Variants in FERMT2 observed in about 807,000 individuals in gnomAD.
FERMT2 encodes FERM domain containing kindlin 2.
A neutral mutation model predicts 82.7 loss-of-function variants in FERMT2; 15 were observed. That is an observed-to-expected ratio of 0.18 (90% CI 0.12 to 0.28). The LOEUF is 0.28. Among genes scored for constraint, FERMT2 ranks in the 10% least tolerant of loss-of-function variants. The pLI, the probability that FERMT2 is intolerant of heterozygous loss-of-function variation, is 1.00. For missense variants in FERMT2, 645 were observed against 809.4 expected (o/e 0.80, Z 2.46); for synonymous variants, 274 against 271.5 (o/e 1.01, Z -0.09).
intron 2 of FERMT2, among the ~76,000 whole-genome samples, chr14:52,920,487 A>T (rs1046942276): frequency 6.6e-6 from 1 of 151,296 alleles, no homozygotes; most frequent in Admixed American, 6.6e-5. Context: ...TTTTTTAATT[A>T]GCCAGGCATG....
At position 52,893,396 on chromosome 14, in the gene FERMT2, T is replaced by A. The variant is rs1887067992; in HGVS notation, c.423A>T (p.Leu141Phe). The A allele has an allele frequency of 6.2e-7, 1 of 1,610,318 alleles. No homozygotes were observed. Among genetic ancestry groups the A allele is most frequent in the Non-Finnish European group, 8.5e-7 (1 of 1,178,528 alleles). ...NIRHPEELSL[L>F]KKPRDPTKKK... The stretch of plus-strand genomic sequence containing the variant: ...TCTTTGTTGGATCTCTGGGTTTCTT[T>A]AAGAGAGAAAGTTCTTCGGGGTGTC... The change falls in exon 4 of 15, where the codon TTA becomes TTT. Residue 141 changes from leucine to phenylalanine, a missense_variant. By Grantham distance (22) the Leu-to-Phe change is conservative (BLOSUM62 0). Transcript: ENST00000341590.
intron 3 of FERMT2, among the ~76,000 whole-genome samples, chr14:52,908,523 A>G (rs7140747): frequency 0.8 from 122,314 of 152,146 alleles, 49,355 homozygotes; most frequent in East Asian, 1. Context: ...AAGGTCAGAC[A>G]CATTATGCTA....
At chr14:52,862,162 A>G (rs975638296) in intron 12 of FERMT2, 3 of 152,270 alleles carry the variant, frequency 2.0e-5, no homozygotes, top group African/African-American at 2.4e-5. Flanking sequence ...CCTCCCGGGT[A>G]CAGGTGATTC....
intron 6 of FERMT2, among the ~76,000 whole-genome samples, chr14:52,878,926 G>C (rs1203252783): frequency 1.3e-5 from 2 of 152,104 alleles, no homozygotes; most frequent in East Asian, 1.9e-4. Context: ...ATATGACAGA[G>C]AATAATTGAT....
intron 2 of FERMT2, among the ~76,000 whole-genome samples, chr14:52,921,503 C>G (rs1888954915): frequency 6.6e-6 from 1 of 152,184 alleles, no homozygotes. Flanking sequence ...AATTTGCCAA[C>G]TAACTTTTGG....
chr14:52,916,086 G>A (rs940620562), intron 3 of FERMT2, among the ~76,000 whole-genome samples: 42 of 152,286 alleles, frequency 2.8e-4, no homozygotes, highest in African/African-American at 1.0e-3. Context: ...GTTCACACCT[G>A]TAATCCCAGC....
chr14:52,869,872 G>A (rs1033375647), intron 10 of FERMT2, among the ~76,000 whole-genome samples: 3 of 152,090 alleles, frequency 2.0e-5, no homozygotes, highest in Non-Finnish European at 4.4e-5. Flanking sequence ...CAGAGGTGAA[G>A]GACAGTGATA....
chr14:52,877,574 CTTTTTTTTTTTT>C (rs34676786), intron 7 of FERMT2, among the ~76,000 whole-genome samples: 2 of 67,062 alleles, frequency 3.0e-5, no homozygotes, highest in African/African-American at 6.1e-5. Flanking sequence ...GCTGTTCTTG[CTTTTTTTTTTTT>C]TTTTTTTTTT....
At chr14:52,882,668 G>C (rs1396143536) in intron 4 of FERMT2, among the ~76,000 whole-genome samples, 4 of 152,068 alleles carry the variant, frequency 2.6e-5, no homozygotes, top group Non-Finnish European at 5.9e-5. Context: ...GTTAAGCTTA[G>C]AAATCCATCT....
intron 2 of FERMT2, among the ~76,000 whole-genome samples, chr14:52,937,182 G>A (rs1188843606): frequency 1.3e-5 from 2 of 151,622 alleles, no homozygotes; most frequent in African/African-American, 4.8e-5. Context: ...TAATAATAAT[G>A]ATAATAATAA....
Position 52,857,697 on chromosome 14 carries a change from A to G in FERMT2, c.*680T>C, listed in dbSNP as rs1884653003. The G allele has an allele frequency of 6.6e-6, 1 of 152,598 alleles. No homozygotes were observed. The highest frequency in any genetic ancestry group is 2.4e-5 in the African/African-American group (1 of 41,446). The allele number at this position is 152,598 out of a possible 1,614,324, so 9.5% of individuals were successfully genotyped here. On this transcript the variant is annotated 3_prime_UTR_variant, in exon 15 of 15. Transcript: ENST00000341590. ...CATACTTCATAGAACTTTACTTCAT[A>G]TTGTAATGCAAAGAGTTGCATATTT... is the stretch of plus-strand genomic sequence containing the variant.
chr14:52,936,296 C>T (rs948423658), intron 2 of FERMT2, among the ~76,000 whole-genome samples: 1 of 152,088 alleles, frequency 6.6e-6, no homozygotes, highest in Non-Finnish European at 1.5e-5. Flanking sequence ...TTAACAAATT[C>T]TAATATAAAA....
chr14:52,861,225 G>A (rs904806845), intron 12 of FERMT2: 1 of 557,826 alleles, frequency 1.8e-6, no homozygotes, highest in East Asian at 3.2e-5. Context: ...TGAAAATGAG[G>A]AAGCAGCAAT....
chr14:52,926,712 G>A (rs1051379293), intron 2 of FERMT2, among the ~76,000 whole-genome samples: 5 of 151,900 alleles, frequency 3.3e-5, no homozygotes, highest in Non-Finnish European at 7.4e-5. Context: ...CTCGGGGGTG[G>A]GGCGTGGGGG....
At chr14:52,940,433 G>A (rs1302158266) in intron 2 of FERMT2, among the ~76,000 whole-genome samples, 1 of 152,126 alleles carries the variant, frequency 6.6e-6, no homozygotes, top group African/African-American at 2.4e-5. Flanking sequence ...GTAACTCTAG[G>A]TGAGTTACTA....
intron 2 of FERMT2, chr14:52,928,054 A>T: frequency 2.6e-6 from 1 of 380,150 alleles, no homozygotes; most frequent in Non-Finnish European, 5.4e-6. Context: ...TCTTAAAAAT[A>T]AGTAAGCAAC....
intron 4 of FERMT2, among the ~76,000 whole-genome samples, chr14:52,890,689 C>T (rs1001288166): frequency 9.3e-5 from 14 of 151,146 alleles, no homozygotes; most frequent in South Asian, 6.3e-4. Flanking sequence ...CTGCAACCTC[C>T]GCCTCCCAGG....
At chr14:52,867,518 T>C (rs1466361272) in intron 10 of FERMT2, among the ~76,000 whole-genome samples, 1 of 152,152 alleles carries the variant, frequency 6.6e-6, no homozygotes, top group Non-Finnish European at 1.5e-5. Context: ...TAACCTGCCC[T>C]GTCTCTTAAA....
At chr14:52,858,778 T>G (rs993865991) in intron 14 of FERMT2, 1 of 447,868 alleles carries the variant, frequency 2.2e-6, no homozygotes, top group Admixed American at 3.6e-5. Flanking sequence ...AAAGGAAGAC[T>G]AGGAATGCAA....
Sources: allele counts gnomAD v4.1 joint callset (sites outside exome capture counted in the v4.1 genomes callset), GRCh38; gene constraint gnomAD v4.1.1; transcripts MANE v1.5; gene names NCBI Gene and HGNC (gene_info 2026-07-23, HGNC 2026-07-21).